RUBCNL: variants seen among roughly 807,000 people sequenced by gnomAD.
RUBCNL encodes the protein protein associated with UVRAG as autophagy enhancer.
A neutral mutation model predicts 69.5 loss-of-function variants in RUBCNL; 62 were observed. The ratio of observed to expected loss-of-function variants is 0.89; its 90% CI spans 0.73 to 1.10. The LOEUF (loss-of-function observed/expected upper bound fraction) is 1.10, where lower values mean the gene tolerates loss of function less well. RUBCNL is among the 50% of genes least tolerant of loss of function. The pLI, the probability that RUBCNL is intolerant of heterozygous loss-of-function variation, is 0.00. For synonymous variants in RUBCNL, 291 were observed against 303.6 expected (o/e 0.96, Z 0.43); for missense variants, 768 against 798.1 (o/e 0.96, Z 0.45).
At chr13:46,350,490 G>A in intron 10 of RUBCNL, 139 bp from the exon 11 acceptor site, 1 of 636,784 alleles carries the variant, frequency 1.6e-6, no homozygotes, top group Non-Finnish European at 2.7e-6. Flanking sequence ...TCAACCTCAT[G>A]ACAGCTGGGA....
chr13:46,368,437 G>A (rs956417784), intron 4 of RUBCNL, 188 bp from the exon 5 acceptor site: 5 of 984,406 alleles, frequency 5.1e-6, no homozygotes, highest in African/African-American at 1.7e-5. Flanking sequence ...ACATAGATTC[G>A]GCTTACTATA....
Position 46,372,527 on chromosome 13 carries a change from C to T in RUBCNL, c.-52G>A, listed in dbSNP as rs912549124. On this transcript the variant is annotated 5_prime_UTR_variant, in exon 3 of 15. Transcript: ENST00000429979. ...TCCATTCAAAACAGATAGGAGTTCC[C>T]TGATTGCTGGTACTACTTGATTTGG... 1.3e-6 allele frequency: 2 copies of T among 1,530,720 alleles called. No homozygotes were observed. The highest frequency in any genetic ancestry group is 1.8e-6 in the Non-Finnish European group (2 of 1,135,264). 94.8% of individuals were successfully genotyped at this position (1,530,720 alleles called of 1,614,324 possible).
At chr13:46,354,713 C>A in intron 10 of RUBCNL, 1 of 449,084 alleles carries the variant, frequency 2.2e-6, no homozygotes, top group Non-Finnish European at 4.5e-6. Flanking sequence ...AATCCCACGG[C>A]ACTCTTGACT....
chr13:46,374,627 G>A (rs888537785), intron 2 of RUBCNL: 1 of 152,226 alleles, frequency 6.6e-6, no homozygotes, highest in Non-Finnish European at 1.5e-5. Context: ...GTATTCAAGA[G>A]ATCTTTTATA....
In RUBCNL at chr13:46,356,513, A is replaced by G; in HGVS notation, c.1266-17T>C. 1.2e-6 allele frequency: 2 copies of G among 1,611,216 alleles called. No homozygotes were observed. The highest frequency in any genetic ancestry group is 1.7e-6 in the Non-Finnish European group (2 of 1,178,314). On this transcript the variant is annotated splice_polypyrimidine_tract_variant and intron_variant, in intron 9 of 14. Transcript: ENST00000429979. The stretch of plus-strand genomic sequence containing the variant: ...AGGTCCCTCCTGAATACGAAAAATA[A>G]TACTAGTTACATTTCAGAGAAGGCC...
In RUBCNL at chr13:46,345,553, A is replaced by C. The variant is rs1057330862; in HGVS notation, c.1679T>G (p.Leu560Arg). 1 of 1,613,590 alleles carries C rather than the reference A, an allele frequency of 6.2e-7. No individual in the cohort carries two copies. Among genetic ancestry groups the C allele is most frequent in the Non-Finnish European group, 8.5e-7 (1 of 1,179,736 alleles). Residue 560 changes from leucine (L) to arginine (R), a missense_variant, in exon 13 of 15, where the codon CTC becomes CGC. Coordinates refer to ENST00000429979, the MANE Select transcript of RUBCNL (RefSeq NM_025113.5). ...EQVPGHLTDE[L>R]HLFSLEDLVR... ...CAGGTCCTCAAGGGAGAACAGGTGGAGCTCATCAGTCAAGTGTCCCGGCAC... is the reference window on the plus strand; with the variant it reads ...CAGGTCCTCAAGGGAGAACAGGTGGCGCTCATCAGTCAAGTGTCCCGGCAC...
chr13:46,381,390 A>T (rs1339786012), intron 1 of RUBCNL, among the ~76,000 whole-genome samples: 4 of 151,478 alleles, frequency 2.6e-5, no homozygotes, highest in Non-Finnish European at 5.9e-5. Context: ...TATATATATA[A>T]AATGTCCAGA....
At chr13:46,351,205 C>A (rs1170311214) in intron 10 of RUBCNL, among the ~76,000 whole-genome samples, 1 of 152,048 alleles carries the variant, frequency 6.6e-6, no homozygotes, top group Non-Finnish European at 1.5e-5. Context: ...CTACAGTGAG[C>A]CATCATCATG....
At chr13:46,352,311 C>T (rs761375800) in intron 10 of RUBCNL, among the ~76,000 whole-genome samples, 1 of 152,220 alleles carries the variant, frequency 6.6e-6, no homozygotes, top group South Asian at 2.1e-4. Context: ...ACACTAGGTT[C>T]TGACATGAAC....
chr13:46,374,625 G>A (rs2138815496), intron 2 of RUBCNL: 1 of 152,352 alleles, frequency 6.6e-6, no homozygotes, highest in African/African-American at 2.4e-5. Context: ...AGGTATTCAA[G>A]AGATCTTTTA....
At chr13:46,375,104 G>A (rs980194569) in intron 2 of RUBCNL, among the ~76,000 whole-genome samples, 1 of 152,106 alleles carries the variant, frequency 6.6e-6, no homozygotes, top group African/African-American at 2.4e-5. Flanking sequence ...CCACCTAACT[G>A]TAAGCTTCAT....
At chr13:46,350,435 G>T in intron 10 of RUBCNL, 84 bp from the exon 11 acceptor site, 1 of 949,676 alleles carries the variant, frequency 1.1e-6, no homozygotes, top group Non-Finnish European at 1.6e-6. Flanking sequence ...TCCTACGCAA[G>T]ATTCAAAGAC....
chr13:46,349,678 A>AT lies in RUBCNL; in HGVS notation c.1570-332dup, dbSNP rs775859134. 2.4e-3 allele frequency among the ~76,000 whole-genome samples: 345 copies of AT among 141,876 alleles called. 1 individual carries two copies. The highest frequency in any genetic ancestry group is 0.015 in the Middle Eastern group (4 of 272). 93.1% of individuals were successfully genotyped at this position (141,876 alleles called of 152,430 possible). A position where few individuals can be genotyped will look rare whatever the true frequency, so the allele number is the denominator to read the frequency against. On this transcript the variant is annotated intron_variant, in intron 11 of 14. Coordinates refer to ENST00000429979, the MANE Select transcript of RUBCNL (RefSeq NM_025113.5). ...GGGCTCCAAAGTGTAAGCTTCACTA[A>AT]TTTTTTTTTTTTTTTTGAGACAGGG...
rs1032266222 is a variant in RUBCNL at position 46,340,868 on chromosome 13, C to T, written c.*2517G>A. ...CCAAGCTATTCTTGAGGGATCCACCCGCATGACCCAAACACCTCTTATTAG... is the reference window on the plus strand; with the variant it reads ...CCAAGCTATTCTTGAGGGATCCACCTGCATGACCCAAACACCTCTTATTAG... On this transcript the variant is annotated 3_prime_UTR_variant, in exon 15 of 15. Coordinates refer to ENST00000429979, the MANE Select transcript of RUBCNL (RefSeq NM_025113.5). 6.6e-6 allele frequency among the ~76,000 whole-genome samples: 1 copy of T among 152,192 alleles called. No homozygotes were observed. Among genetic ancestry groups the T allele is most frequent in the South Asian group, 2.1e-4 (1 of 4,830 alleles).
At chr13:46,359,081 C>A (rs893416271) in intron 9 of RUBCNL, among the ~76,000 whole-genome samples, 1 of 151,896 alleles carries the variant, frequency 6.6e-6, no homozygotes, top group African/African-American at 2.4e-5. Flanking sequence ...GAGTCCAACA[C>A]CAGCCTGGGC....
At chr13:46,362,952 A>ATC (rs1375747225) in intron 6 of RUBCNL, among the ~76,000 whole-genome samples, 163 bp downstream of exon 6, 4 of 65,886 alleles carry the variant, frequency 6.1e-5, no homozygotes, top group Non-Finnish European at 1.1e-4. Flanking sequence ...ATATATATAT[A>ATC]TATATATATA....
intron 7 of RUBCNL, among the ~76,000 whole-genome samples, chr13:46,361,781 G>T (rs188607742): frequency 1.3e-5 from 2 of 152,132 alleles, no homozygotes; most frequent in African/African-American, 2.4e-5. Context: ...TACTGAGGGC[G>T]CTAAGACTTA....
chr13:46,356,892 C>CAT lies in RUBCNL; in HGVS notation c.1266-397_1266-396insAT, dbSNP rs1009828353. ...AGCTAGCTTTTTTTGGCTTTATTTA[C>CAT]TTTTTTTTTTTTTTTTGGTAGAGAT... On this transcript the variant is annotated intron_variant, in intron 9 of 14. Coordinates refer to ENST00000429979, the MANE Select transcript of RUBCNL (RefSeq NM_025113.5). 5.9e-3 allele frequency among the ~76,000 whole-genome samples: 792 copies of CAT among 135,040 alleles called. 6 individuals carry two copies. The highest frequency in any genetic ancestry group is 0.02 in the African/African-American group (765 of 37,396). 88.6% of individuals were successfully genotyped at this position (135,040 alleles called of 152,430 possible).
rs894181646 is a variant in RUBCNL at position 46,372,403 on chromosome 13, T to C, written c.73A>G (p.Ile25Val). ...PWEGISDHSG[I>V]IDGSPRLLNT... ...AGGAGTCTGGGCGAACCATCAATAA[T>C]GCCAGAGTGATCGCTGATCCCTTCC... is the stretch of plus-strand genomic sequence containing the variant. Residue 25 changes from isoleucine (I) to valine (V), a missense_variant, in exon 3 of 15, where the codon ATT (isoleucine) becomes GTT (valine). Coordinates refer to ENST00000429979, the MANE Select transcript of RUBCNL (RefSeq NM_025113.5). 5.0e-6 allele frequency: 8 copies of C among 1,613,634 alleles called. No homozygotes were observed. The highest frequency in any genetic ancestry group is 1.3e-5 in the African/African-American group (1 of 74,932).
Sources: allele counts gnomAD v4.1 joint callset (sites outside exome capture counted in the v4.1 genomes callset), GRCh38; gene constraint gnomAD v4.1.1; transcripts MANE v1.5; gene names NCBI Gene and HGNC (gene_info 2026-07-23, HGNC 2026-07-21).